PTER: variants seen among roughly 807,000 people sequenced by gnomAD.
PTER encodes phosphotriesterase related.
PTER carries 38 observed loss-of-function variants against 29.6 expected under a neutral mutation model. That is an observed-to-expected ratio of 1.28 (90% CI 0.99 to 1.68). PTER has a LOEUF of 1.68. Ranked by LOEUF, PTER falls within the 40% of genes most tolerant of loss-of-function variation. The probability of loss-of-function intolerance (pLI) is 0.00; values close to 1 mark genes in which losing one functional copy is unlikely to be tolerated. For synonymous variants in PTER, 172 were observed against 154.5 expected (o/e 1.11, Z -0.84); for missense variants, 482 against 427.8 (o/e 1.13, Z -1.12).
intron 1 of PTER, among the ~76,000 whole-genome samples, chr10:16,449,122 C>A (rs1007274207): frequency 6.6e-6 from 1 of 152,356 alleles, no homozygotes; most frequent in South Asian, 2.1e-4. Context: ...GCACTAATCT[C>A]TGCAGTCCCT....
At chr10:16,489,341 T>TA (rs1229919065) in intron 3 of PTER, among the ~76,000 whole-genome samples, 2 of 152,168 alleles carry the variant, frequency 1.3e-5, no homozygotes, top group African/African-American at 4.8e-5. Flanking sequence ...ATTCAACCTT[T>TA]AAAAAAATAT....
intron 3 of PTER, among the ~76,000 whole-genome samples, chr10:16,487,484 T>C (rs1446167551): frequency 6.6e-6 from 1 of 152,154 alleles, no homozygotes; most frequent in Non-Finnish European, 1.5e-5. Flanking sequence ...GTCCAGATAA[T>C]CCAGAATAAT....
rs145821386 is a variant in PTER at position 16,467,566 on chromosome 10, C to T, written c.-48-16771C>T. 3.0e-3 allele frequency among the ~76,000 whole-genome samples: 456 copies of T among 152,274 alleles called. 1 individual carries two copies. The highest frequency in any genetic ancestry group is 4.5e-3 in the Non-Finnish European group (307 of 68,020). On this transcript the variant is annotated intron_variant, in intron 1 of 4. Coordinates refer to ENST00000535784, the MANE Select transcript of PTER (RefSeq NM_001261836.2). Reference sequence around the variant, plus strand: ...GTGACTCATGCCTGTAATCCCAACACTTTGGGAGGTTGAGGTGGGTGGATC... The same window carrying T: ...GTGACTCATGCCTGTAATCCCAACATTTTGGGAGGTTGAGGTGGGTGGATC...
At chr10:16,494,302 CT>C (rs1554792372) in intron 3 of PTER, among the ~76,000 whole-genome samples, 1 of 152,132 alleles carries the variant, frequency 6.6e-6, no homozygotes, top group Non-Finnish European at 1.5e-5. Context: ...GGGTTTTTCT[CT>C]CTTGCAGCCA....
downstream of PTER, chr10:16,514,223 A>G (rs1315898794): frequency 4.6e-6 from 2 of 430,582 alleles, no homozygotes; most frequent in Non-Finnish European, 4.1e-6. Context: ...TAGAAGAAAT[A>G]ATTCAATGTC....
At position 16,477,407 on chromosome 10, in the gene PTER, C is replaced by T. The variant is rs192605538; in HGVS notation, c.-48-6930C>T. 4.6e-3 allele frequency among the ~76,000 whole-genome samples: 705 copies of T among 152,014 alleles called. 8 individuals carry two copies. The highest frequency in any genetic ancestry group is 0.016 in the African/African-American group (673 of 41,434). On this transcript the variant is annotated intron_variant, in intron 1 of 4. Transcript: ENST00000535784. ...GGCCAGGCTAGTATTGAACTCCTGA[C>T]CTCAAATGATTCACCCACCTCGGCC...
intron 1 of PTER, among the ~76,000 whole-genome samples, chr10:16,446,200 C>G (rs540920377): frequency 7.3e-5 from 11 of 150,924 alleles, no homozygotes; most frequent in Middle Eastern, 3.5e-3. Context: ...AGGTGCAATG[C>G]ACGCCACCCC....
At chr10:16,491,073 A>G (rs1204924048) in intron 3 of PTER, among the ~76,000 whole-genome samples, 1 of 152,066 alleles carries the variant, frequency 6.6e-6, no homozygotes, top group East Asian at 1.9e-4. Context: ...GTTTCAATAT[A>G]TCTCTCTAGA....
chr10:16,510,963 G>A, intron 4 of PTER, 83 bp from the exon 5 acceptor site: 2 of 1,144,948 alleles, frequency 1.7e-6, no homozygotes, highest in South Asian at 2.7e-5. Flanking sequence ...AAGCACAATA[G>A]GTTAATGAGT....
chr10:16,460,679 T>A (rs1235625304), intron 1 of PTER, among the ~76,000 whole-genome samples: 1 of 152,218 alleles, frequency 6.6e-6, no homozygotes, highest in African/African-American at 2.4e-5. Flanking sequence ...CTTTTTTTAT[T>A]TAAGAAATGT....
chr10:16,503,560 A>G (rs1836446338), intron 3 of PTER, among the ~76,000 whole-genome samples: 1 of 151,824 alleles, frequency 6.6e-6, no homozygotes, highest in Non-Finnish European at 1.5e-5. Context: ...ACCCACCACT[A>G]TGCCCAGCTA....
intron 3 of PTER, among the ~76,000 whole-genome samples, chr10:16,500,720 T>C (rs1030975849): frequency 6.6e-6 from 1 of 152,082 alleles, no homozygotes; most frequent in South Asian, 2.1e-4. Flanking sequence ...CAGTCCCTAT[T>C]CATCTTTTAT....
Position 16,509,912 on chromosome 10 carries a change from T to C in PTER, c.840-1134T>C, listed in dbSNP as rs150729417. On this transcript the variant is annotated intron_variant, in intron 4 of 4. Transcript: ENST00000535784. ...ATATGTGTTCTCAGAGGGCAGGGCTTTGTGCTTGAGTTTTTTTTGTGTGTG... is the reference window on the plus strand; with the variant it reads ...ATATGTGTTCTCAGAGGGCAGGGCTCTGTGCTTGAGTTTTTTTTGTGTGTG... Among the ~76,000 whole-genome samples, 19 of 152,278 alleles carry C rather than the reference T, an allele frequency of 1.2e-4. No individual in the cohort carries two copies. The East Asian group carries it at 3.7e-3, about 29-fold the overall frequency.
At chr10:16,452,317 G>T (rs1834243143) in intron 1 of PTER, among the ~76,000 whole-genome samples, 1 of 145,396 alleles carries the variant, frequency 6.9e-6, no homozygotes, top group Non-Finnish European at 1.5e-5. Flanking sequence ...TTTTTTTTGA[G>T]ATTGAGTCTC....
At chr10:16,508,116 A>T (rs1490514891) in intron 4 of PTER, among the ~76,000 whole-genome samples, 1 of 136,592 alleles carries the variant, frequency 7.3e-6, no homozygotes, top group Admixed American at 8.0e-5. Context: ...TCGCCCAGGC[A>T]GGAGCGCAGT....
chr10:16,451,831 T>C (rs1228865667), intron 1 of PTER, among the ~76,000 whole-genome samples: 1 of 152,224 alleles, frequency 6.6e-6, no homozygotes, highest in Non-Finnish European at 1.5e-5. Flanking sequence ...ATTTCTTTCA[T>C]AGATGAAATA....
At chr10:16,510,234 C>T (rs1302655495) in intron 4 of PTER, among the ~76,000 whole-genome samples, 1 of 152,210 alleles carries the variant, frequency 6.6e-6, no homozygotes, top group Non-Finnish European at 1.5e-5. Context: ...CAGGAGGTGA[C>T]TCACACTACA....
chr10:16,511,342 G>C lies in PTER; in HGVS notation c.*86G>C, dbSNP rs902516073. ...CCAGTCCACTGTGAGATATTAATCA[G>C]TTACCTAGGACTAATGACAGATCAT... On this transcript the variant is annotated 3_prime_UTR_variant, in exon 5 of 5. Coordinates refer to ENST00000535784, the MANE Select transcript of PTER (RefSeq NM_001261836.2). The C allele has an allele frequency of 8.2e-7, 1 of 1,222,902 alleles. No individual in the cohort carries two copies. The highest frequency in any genetic ancestry group is 1.2e-6 in the Non-Finnish European group (1 of 838,828). The allele number at this position is 1,222,902 out of a possible 1,614,324, so 75.8% of individuals were successfully genotyped here.
chr10:16,499,342 C>A (rs10904753), intron 3 of PTER, among the ~76,000 whole-genome samples: 78,596 of 151,956 alleles, frequency 0.52, 20,799 homozygotes, highest in East Asian at 0.83. Context: ...ACACTATTTT[C>A]TTCCCCTGAA....
Sources: gnomAD v4.1 joint callset for allele counts (sites outside exome capture counted in the v4.1 genomes callset) on GRCh38, gnomAD v4.1.1 for gene constraint, MANE v1.5 for transcripts, NCBI Gene and HGNC (gene_info 2026-07-23, HGNC 2026-07-21) for gene names.